Variants in GLRA3 observed in about 807,000 individuals in gnomAD.
GLRA3 encodes glycine receptor subunit alpha-3.
GLRA3 carries 44 observed loss-of-function variants against 60.4 expected under a neutral mutation model. That is an observed-to-expected ratio of 0.73 (90% CI 0.57 to 0.94). The LOEUF (loss-of-function observed/expected upper bound fraction) is 0.94, where lower values mean the gene tolerates loss of function less well. Ranked by LOEUF, GLRA3 falls within the 40% of genes least tolerant of loss-of-function variation. The probability of loss-of-function intolerance (pLI) is 0.00; values close to 1 mark genes in which losing one functional copy is unlikely to be tolerated. For synonymous variants in GLRA3, 223 were observed against 192.9 expected, an observed-to-expected ratio of 1.16 and a Z score of -1.29; for missense variants, 508 against 564.6, an observed-to-expected ratio of 0.90 and a Z score of 1.02.
At chr4:174,644,107 G>A (rs1470323406) in intron 9 of GLRA3, 43 bp from the exon 10 acceptor site, 2 of 1,131,694 alleles carry the variant, frequency 1.8e-6, no homozygotes, top group African/African-American at 1.5e-5. Flanking sequence ...TAATACAATA[G>A]AGCATGTATA....
chr4:174,708,319 T>C (rs555562429), intron 5 of GLRA3, among the ~76,000 whole-genome samples: 3 of 152,102 alleles, frequency 2.0e-5, no homozygotes, highest in Non-Finnish European at 4.4e-5. Context: ...TAAATGAATC[T>C]GAGAAATTAA....
chr4:174,796,981 C>T (rs1739597934), intron 1 of GLRA3, among the ~76,000 whole-genome samples: 1 of 152,084 alleles, frequency 6.6e-6, no homozygotes, highest in African/African-American at 2.4e-5. Context: ...GCAGACAGCC[C>T]TTAGAAAACT....
chr4:174,689,522 C>A (rs1373765812), intron 5 of GLRA3, among the ~76,000 whole-genome samples: 3 of 151,900 alleles, frequency 2.0e-5, no homozygotes, highest in Non-Finnish European at 4.4e-5. Context: ...ATCCATTACC[C>A]AAATAATGTA....
chr4:174,716,472 G>A (rs1275813053), intron 4 of GLRA3, among the ~76,000 whole-genome samples: 3 of 152,024 alleles, frequency 2.0e-5, no homozygotes, highest in African/African-American at 7.2e-5. Flanking sequence ...TAGTTTTTCT[G>A]GTTCCTACAC....
chr4:174,828,432 C>T (rs534936137), intron 1 of GLRA3, among the ~76,000 whole-genome samples: 1 of 152,140 alleles, frequency 6.6e-6, no homozygotes, highest in Non-Finnish European at 1.5e-5. Flanking sequence ...ATATAATTCA[C>T]TTAGAAAACG....
chr4:174,778,604 G>A (rs1039546886), intron 2 of GLRA3, among the ~76,000 whole-genome samples: 18 of 152,212 alleles, frequency 1.2e-4, no homozygotes, highest in African/African-American at 4.3e-4. Flanking sequence ...AGTGGGCGCA[G>A]GTCAGTGGGT....
intron 4 of GLRA3, 46 bp from the exon 5 acceptor site, chr4:174,715,616 A>G: frequency 1.1e-6 from 1 of 871,882 alleles, no homozygotes; most frequent in South Asian, 1.5e-5. Flanking sequence ...ATGACATTAT[A>G]TTAATATTCT....
chr4:174,738,797 G>A (rs1736897078), intron 3 of GLRA3, among the ~76,000 whole-genome samples: 2 of 152,138 alleles, frequency 1.3e-5, no homozygotes, highest in Admixed American at 1.3e-4. Flanking sequence ...TGTATTGTAG[G>A]ACAAGAACAA....
At chr4:174,761,379 G>T (rs754678690) in intron 3 of GLRA3, among the ~76,000 whole-genome samples, 5 of 152,028 alleles carry the variant, frequency 3.3e-5, no homozygotes, top group Non-Finnish European at 7.4e-5. Context: ...CCTATCATTT[G>T]TATGAAAATT....
At chr4:174,816,627 G>T (rs571462770) in intron 1 of GLRA3, among the ~76,000 whole-genome samples, 64 of 145,234 alleles carry the variant, frequency 4.4e-4, no homozygotes, top group African/African-American at 1.1e-3. Context: ...TGGACAAGTG[G>T]TTTTTTTTTT....
intron 5 of GLRA3, among the ~76,000 whole-genome samples, chr4:174,714,742 C>T (rs565042605): frequency 1.4e-3 from 209 of 152,036 alleles, no homozygotes; most frequent in Non-Finnish European, 2.4e-3. Flanking sequence ...TTGCATATTG[C>T]TTAATTTTTA....
intron 1 of GLRA3, among the ~76,000 whole-genome samples, chr4:174,818,978 T>G (rs987286962): frequency 2.6e-5 from 4 of 152,222 alleles, no homozygotes; most frequent in African/African-American, 4.8e-5. Flanking sequence ...AGGATTTCAT[T>G]ACACACTTCC....
intron 1 of GLRA3, among the ~76,000 whole-genome samples, chr4:174,819,797 T>G (rs920329916): frequency 6.6e-6 from 1 of 152,262 alleles, no homozygotes; most frequent in South Asian, 2.1e-4. Flanking sequence ...TTATTAGAGA[T>G]TCTGATCCCA....
At chr4:174,678,572 C>T (rs185182505) in intron 6 of GLRA3, among the ~76,000 whole-genome samples, 34 of 152,312 alleles carry the variant, frequency 2.2e-4, no homozygotes, top group African/African-American at 7.7e-4. Context: ...AGGTGATGCA[C>T]AGGCACTATA....
chr4:174,659,258 C>A (rs1169797443), intron 7 of GLRA3, 61 bp from the exon 8 acceptor site: 1 of 1,262,212 alleles, frequency 7.9e-7, no homozygotes, highest in Non-Finnish European at 1.1e-6. Flanking sequence ...CCTTTGAGAA[C>A]AAAACTGAGT....
At chr4:174,814,250 T>C (rs1453044386) in intron 1 of GLRA3, among the ~76,000 whole-genome samples, 1 of 152,098 alleles carries the variant, frequency 6.6e-6, no homozygotes, top group African/African-American at 2.4e-5. Context: ...CATGAATGAA[T>C]TGAAGGGTGG....
chr4:174,798,650 C>T (rs180943061), intron 1 of GLRA3, among the ~76,000 whole-genome samples: 26 of 152,262 alleles, frequency 1.7e-4, no homozygotes, highest in East Asian at 5.8e-4. Context: ...TAAGGCTGGG[C>T]GCGGTGGCTC....
chr4:174,765,087 G>A lies in GLRA3; in HGVS notation c.267+1876C>T, dbSNP rs115673597. ...ACATAATGATGGAGTATGTAGGTAA[G>A]GAAAGGCTTGCATGCTGAAGGAGAG... On this transcript the variant is annotated intron_variant, in intron 3 of 9. Coordinates refer to ENST00000274093, the MANE Select transcript of GLRA3 (RefSeq NM_006529.4). 9.8e-3 allele frequency among the ~76,000 whole-genome samples: 1,498 copies of A among 152,122 alleles called. 18 individuals carry two copies. The highest frequency in any genetic ancestry group is 0.033 in the African/African-American group (1,383 of 41,546).
intron 9 of GLRA3, among the ~76,000 whole-genome samples, chr4:174,651,154 A>G (rs1482134930): frequency 6.6e-6 from 1 of 152,198 alleles, no homozygotes; most frequent in Non-Finnish European, 1.5e-5. Context: ...TCACTGAACA[A>G]AGGAACACAT....
Sources: allele counts gnomAD v4.1 joint callset (sites outside exome capture counted in the v4.1 genomes callset), GRCh38; gene constraint gnomAD v4.1.1; transcripts MANE v1.5; gene names NCBI Gene and HGNC (gene_info 2026-07-23, HGNC 2026-07-21).